Variants in ST6GALNAC5 observed in about 807,000 individuals in gnomAD.
ST6GALNAC5 encodes the protein ST6 N-acetylgalactosaminide alpha-2,6-sialyltransferase 5, also known as alpha-N-acetylgalactosaminide alpha-2,6-sialyltransferase 5.
ST6GALNAC5 carries 27 observed loss-of-function variants against 33.6 expected under a neutral mutation model. That is an observed-to-expected ratio of 0.80 (90% confidence interval 0.59 to 1.11). ST6GALNAC5 has a LOEUF of 1.11. ST6GALNAC5 is among the 50% of genes least tolerant of loss of function. The pLI is 0.00. For synonymous variants in ST6GALNAC5, 194 were observed against 171.2 expected, an observed-to-expected ratio of 1.13 and a Z score of -1.04; for missense variants, 428 against 454.0, an observed-to-expected ratio of 0.94 and a Z score of 0.52.
intron 2 of ST6GALNAC5, among the ~76,000 whole-genome samples, chr1:76,989,283 AT>A (rs200116910): frequency 1.4e-4 from 21 of 145,660 alleles, no homozygotes; most frequent in South Asian, 4.4e-4. Flanking sequence ...TAATTCTTCT[AT>A]TTTTTTTTTC....
chr1:76,985,816 C>A (rs966095931), intron 2 of ST6GALNAC5, among the ~76,000 whole-genome samples: 2 of 152,012 alleles, frequency 1.3e-5, no homozygotes, highest in Non-Finnish European at 2.9e-5. Context: ...GATATATAGA[C>A]CAATGGAACA....
At chr1:76,912,433 T>C (rs1490244247) in intron 2 of ST6GALNAC5, among the ~76,000 whole-genome samples, 2 of 152,110 alleles carry the variant, frequency 1.3e-5, no homozygotes, top group African/African-American at 4.8e-5. Context: ...TGTAGATGTC[T>C]ATTAGGTCTG....
chr1:76,985,790 T>C (rs1027898407), intron 2 of ST6GALNAC5, among the ~76,000 whole-genome samples: 15 of 152,194 alleles, frequency 9.9e-5, no homozygotes, highest in African/African-American at 2.4e-4. Flanking sequence ...AACAGCATGA[T>C]ACTGGTACCA....
intron 2 of ST6GALNAC5, among the ~76,000 whole-genome samples, chr1:77,024,151 G>C (rs1257399239): frequency 1.3e-5 from 2 of 152,194 alleles, no homozygotes; most frequent in African/African-American, 4.8e-5. Flanking sequence ...CCCTGCAGCT[G>C]ACCCAATGTG....
At chr1:77,010,846 G>A (rs866366035) in intron 2 of ST6GALNAC5, among the ~76,000 whole-genome samples, 2 of 152,328 alleles carry the variant, frequency 1.3e-5, no homozygotes, top group South Asian at 4.1e-4. Flanking sequence ...GCAGCCTGGG[G>A]ACAAATTGAC....
chr1:76,881,946 C>A (rs1163839948), intron 2 of ST6GALNAC5, among the ~76,000 whole-genome samples: 1 of 152,136 alleles, frequency 6.6e-6, no homozygotes, highest in African/African-American at 2.4e-5. Flanking sequence ...AGAGCTGGGG[C>A]AAAATGTCAG....
chr1:77,050,819 C>A (rs545725275), intron 4 of ST6GALNAC5, among the ~76,000 whole-genome samples: 1 of 152,376 alleles, frequency 6.6e-6, no homozygotes, highest in African/African-American at 2.4e-5. Flanking sequence ...TGGGCTTGCA[C>A]TTCTAAGGCC....
intron 2 of ST6GALNAC5, among the ~76,000 whole-genome samples, chr1:76,901,576 T>A (rs998207480): frequency 6.6e-6 from 1 of 152,178 alleles, no homozygotes; most frequent in African/African-American, 2.4e-5. Flanking sequence ...TGCTGATAAA[T>A]AGCAAAGAAG....
At chr1:76,899,321 G>A (rs1646790808) in intron 2 of ST6GALNAC5, among the ~76,000 whole-genome samples, 1 of 151,974 alleles carries the variant, frequency 6.6e-6, no homozygotes, top group Non-Finnish European at 1.5e-5. Flanking sequence ...CAGAGAAGGG[G>A]TGGGGGTTTC....
At chr1:76,970,156 G>T (rs976190253) in intron 2 of ST6GALNAC5, among the ~76,000 whole-genome samples, 16 of 151,992 alleles carry the variant, frequency 1.1e-4, no homozygotes, top group Non-Finnish European at 2.4e-4. Context: ...TCCTCCAAAG[G>T]ATTGCAGCCC....
At chr1:77,049,827 A>G (rs1194480447) in intron 3 of ST6GALNAC5, among the ~76,000 whole-genome samples, 1 of 152,162 alleles carries the variant, frequency 6.6e-6, no homozygotes, top group East Asian at 1.9e-4. Context: ...AATACATGTG[A>G]ATGTTTATTT....
intron 2 of ST6GALNAC5, among the ~76,000 whole-genome samples, chr1:76,890,190 C>T (rs1653983582): frequency 6.6e-6 from 1 of 152,178 alleles, no homozygotes; most frequent in Admixed American, 6.5e-5. Context: ...AAGCCTAGAC[C>T]TTCTGCACAC....
chr1:76,946,356 G>C lies in ST6GALNAC5; in HGVS notation c.261+77614G>C, dbSNP rs529471221. ...AAAAGTTTTCACTCAGAAAAGTCTG[G>C]TTGACTATTGTATTTGACAAAGTAG... On this transcript the variant is annotated intron_variant, in intron 2 of 4. Transcript: ENST00000477717. 3.9e-5 allele frequency among the ~76,000 whole-genome samples: 6 copies of C among 152,240 alleles called. No individual in the cohort carries two copies. In the East Asian group the frequency reaches 1.2e-3, roughly 29 times the overall value.
chr1:76,893,753 C>T (rs556642897), intron 2 of ST6GALNAC5, among the ~76,000 whole-genome samples: 30 of 152,218 alleles, frequency 2.0e-4, no homozygotes, highest in Middle Eastern at 3.4e-3. Context: ...CTCTGCCTCC[C>T]GGGTTCAAGC....
At chr1:76,886,247 ATTTTCT>A (rs141821463) in intron 2 of ST6GALNAC5, among the ~76,000 whole-genome samples, 2,104 of 152,198 alleles carry the variant, frequency 0.014, 24 homozygotes, top group South Asian at 0.028. Context: ...TTTATAAAAC[ATTTTCT>A]TTATCTTATT....
intron 2 of ST6GALNAC5, among the ~76,000 whole-genome samples, chr1:76,920,204 A>G (rs1294436491): frequency 6.6e-6 from 1 of 152,202 alleles, no homozygotes; most frequent in African/African-American, 2.4e-5. Context: ...AGCTCTACAT[A>G]GCTGGGCTTT....
chr1:76,869,991 A>G (rs2100907946), intron 2 of ST6GALNAC5, among the ~76,000 whole-genome samples: 1 of 152,318 alleles, frequency 6.6e-6, no homozygotes, highest in South Asian at 2.1e-4. Context: ...AAAAAGTGGA[A>G]TTTTGCAATG....
chr1:77,037,731 A>G (rs982260092), intron 2 of ST6GALNAC5, among the ~76,000 whole-genome samples: 1 of 152,152 alleles, frequency 6.6e-6, no homozygotes, highest in East Asian at 1.9e-4. Context: ...GAATAAAAGA[A>G]GTGAACTTAA....
chr1:76,906,199 A>C (rs1646862748), intron 2 of ST6GALNAC5, among the ~76,000 whole-genome samples: 1 of 152,194 alleles, frequency 6.6e-6, no homozygotes, highest in African/African-American at 2.4e-5. Context: ...TCTGCTGGGC[A>C]CTGATATAGC....
Sources: allele counts gnomAD v4.1 joint callset (sites outside exome capture counted in the v4.1 genomes callset), GRCh38; gene constraint gnomAD v4.1.1; transcripts MANE v1.5; gene names NCBI Gene and HGNC (gene_info 2026-07-23, HGNC 2026-07-21).